Variants in DCC observed in about 807,000 individuals in gnomAD.
The protein encoded by DCC is netrin receptor DCC.
Under a neutral mutation model 172.5 loss-of-function variants are expected in DCC, and 58 were observed. The ratio of observed to expected loss-of-function variants is 0.34; its 90% CI spans 0.27 to 0.42. The LOEUF (loss-of-function observed/expected upper bound fraction) is 0.42. Ranked by LOEUF, DCC falls within the 10% of genes least tolerant of loss-of-function variation. DCC has a pLI of 1.00. For missense variants in DCC, 1,740 were observed against 1,791.0 expected (o/e 0.97, Z 0.51); for synonymous variants, 709 against 644.5 (o/e 1.10, Z -1.52).
chr18:52,753,842 C>A (rs921241203), intron 2 of DCC, among the ~76,000 whole-genome samples: 1 of 152,124 alleles, frequency 6.6e-6, no homozygotes, highest in Non-Finnish European at 1.5e-5. Context: ...GTTAGACCTG[C>A]AAAGTGAAGA....
intron 20 of DCC, among the ~76,000 whole-genome samples, chr18:53,413,328 T>A (rs11872554): frequency 0.43 from 65,684 of 152,082 alleles, 16,011 homozygotes; most frequent in Non-Finnish European, 0.56. Flanking sequence ...TTTGGACCAG[T>A]ATAGAAAAAA....
chr18:52,714,152 C>T (rs1319081252), intron 1 of DCC, among the ~76,000 whole-genome samples: 1 of 152,126 alleles, frequency 6.6e-6, no homozygotes, highest in Non-Finnish European at 1.5e-5. Flanking sequence ...ATGTTAAGGA[C>T]ACACTACTAG....
chr18:53,376,420 A>G (rs1400090962), intron 15 of DCC, among the ~76,000 whole-genome samples: 2 of 152,196 alleles, frequency 1.3e-5, no homozygotes, highest in Non-Finnish European at 2.9e-5. Context: ...ATAAACAAAC[A>G]AAAAGCAAAG....
intron 5 of DCC, among the ~76,000 whole-genome samples, chr18:52,958,340 G>A (rs2040781825): frequency 6.6e-6 from 1 of 151,930 alleles, no homozygotes; most frequent in African/African-American, 2.4e-5. Context: ...TTCAATACTT[G>A]TAACCTGTAA....
intron 1 of DCC, among the ~76,000 whole-genome samples, chr18:52,644,756 GAA>G (rs2034979221): frequency 8.3e-6 from 1 of 120,982 alleles, no homozygotes; most frequent in African/African-American, 3.1e-5. Flanking sequence ...AAGAAAGAGA[GAA>G]AGAGAGAAGG....
intron 7 of DCC, among the ~76,000 whole-genome samples, chr18:53,101,728 G>A (rs1163639144): frequency 6.6e-6 from 1 of 152,034 alleles, no homozygotes. Context: ...GACACAGTTT[G>A]TCTTTACTAG....
intron 11 of DCC, among the ~76,000 whole-genome samples, chr18:53,211,386 T>C (rs1441840143): frequency 1.3e-5 from 2 of 152,206 alleles, no homozygotes; most frequent in African/African-American, 2.4e-5. Context: ...CATGTTTCTT[T>C]TATTCTATGA....
intron 2 of DCC, among the ~76,000 whole-genome samples, chr18:52,812,682 T>C (rs1356373928): frequency 3.9e-5 from 6 of 152,226 alleles, no homozygotes; most frequent in Admixed American, 2.0e-4. Flanking sequence ...CTCAGTGGCT[T>C]AAATAGTGCT....
intron 1 of DCC, among the ~76,000 whole-genome samples, chr18:52,751,440 C>T (rs2036992849): frequency 6.6e-6 from 1 of 152,118 alleles, no homozygotes; most frequent in Non-Finnish European, 1.5e-5. Flanking sequence ...CCATGAGAAA[C>T]ATTTGGATGA....
In DCC at chr18:52,785,599, C is replaced by T. The variant is rs1194553852; in HGVS notation, c.412+33225C>T. Among the ~76,000 whole-genome samples the T allele has an allele frequency of 5.9e-5, 9 of 151,964 alleles. No individual in the cohort carries two copies. In the East Asian group the frequency reaches 1.7e-3, roughly 29 times the overall value. ...AGGGTCCTCAGAAGAAAGGTGTGTC[C>T]ATGTTTGTTTGGTCTGCAGCACCAT... On this transcript the variant is annotated intron_variant, in intron 2 of 28. Transcript: ENST00000442544.
intron 1 of DCC, among the ~76,000 whole-genome samples, chr18:52,744,301 T>G (rs1202784579): frequency 1.3e-5 from 2 of 152,176 alleles, no homozygotes; most frequent in Non-Finnish European, 2.9e-5. Flanking sequence ...AGGGAGAAAC[T>G]TTGACTGTTC....
At chr18:52,574,057 C>G (rs191013579) in intron 1 of DCC, among the ~76,000 whole-genome samples, 87 of 152,284 alleles carry the variant, frequency 5.7e-4, no homozygotes, top group Non-Finnish European at 7.8e-4. Flanking sequence ...TCCACCTCAT[C>G]TTTTGTAGTC....
At chr18:53,416,434 T>C (rs1910314872) in intron 21 of DCC, 1 of 598,112 alleles carries the variant, frequency 1.7e-6, no homozygotes, top group Non-Finnish European at 3.1e-6. Flanking sequence ...TTTTAGTCTC[T>C]GTCTGCACTT....
chr18:52,563,844 C>T (rs542178610), intron 1 of DCC, among the ~76,000 whole-genome samples: 1 of 152,258 alleles, frequency 6.6e-6, no homozygotes, highest in East Asian at 1.9e-4. Context: ...AATCTGTTGT[C>T]TGTCATTTGG....
chr18:52,920,087 C>A (rs1159171590), intron 3 of DCC, among the ~76,000 whole-genome samples: 1 of 148,978 alleles, frequency 6.7e-6, no homozygotes, highest in Non-Finnish European at 1.5e-5. Flanking sequence ...GACCGTAAAC[C>A]TAAATTCAAA....
intron 7 of DCC, among the ~76,000 whole-genome samples, chr18:53,093,466 A>G (rs185993353): frequency 6.6e-6 from 1 of 152,298 alleles, no homozygotes; most frequent in Admixed American, 6.5e-5. Flanking sequence ...CATAAGGCTG[A>G]TAAGTTTTCT....
chr18:52,898,650 C>T (rs978428220), intron 2 of DCC, among the ~76,000 whole-genome samples: 1 of 151,838 alleles, frequency 6.6e-6, no homozygotes, highest in Non-Finnish European at 1.5e-5. Flanking sequence ...TTTTGATGTC[C>T]CTACAGATTT....
At chr18:52,821,817 G>A (rs556094149) in intron 2 of DCC, among the ~76,000 whole-genome samples, 1 of 152,230 alleles carries the variant, frequency 6.6e-6, no homozygotes, top group Non-Finnish European at 1.5e-5. Context: ...ATCTTGTTTT[G>A]TATTCCCAAT....
intron 2 of DCC, among the ~76,000 whole-genome samples, chr18:52,893,071 C>T (rs1422729825): frequency 1.3e-5 from 2 of 152,090 alleles, no homozygotes; most frequent in Non-Finnish European, 2.9e-5. Context: ...ACCAAATTAA[C>T]TTTAATGAAT....
Sources: allele counts gnomAD v4.1 joint callset (sites outside exome capture counted in the v4.1 genomes callset), GRCh38; gene constraint gnomAD v4.1.1; transcripts MANE v1.5; gene names NCBI Gene and HGNC (gene_info 2026-07-23, HGNC 2026-07-21).